The following SORCS1 variants were observed in gnomAD, a reference collection of about 807,000 sequenced individuals.
SORCS1 encodes the protein sortilin related VPS10 domain containing receptor 1, also known as VPS10 domain-containing receptor SorCS1.
A neutral mutation model predicts 146.1 loss-of-function variants in SORCS1; 60 were observed. That is an observed-to-expected ratio of 0.41 (90% confidence interval 0.33 to 0.51). The LOEUF (loss-of-function observed/expected upper bound fraction) is 0.51, where lower values mean the gene tolerates loss of function less well. SORCS1 is among the 20% of genes least tolerant of loss of function. SORCS1 has a pLI of 0.21. For synonymous variants in SORCS1, 637 were observed against 584.0 expected (o/e 1.09, Z -1.31); for missense variants, 1,352 against 1,487.6 (o/e 0.91, Z 1.50).
chr10:106,604,948 T>TAACAGGG (rs1414259038), intron 23 of SORCS1, among the ~76,000 whole-genome samples: 6 of 152,258 alleles, frequency 3.9e-5, no homozygotes, highest in African/African-American at 1.2e-4. Flanking sequence ...GGCTCAATTA[T>TAACAGGG]TCAACTTTTC....
chr10:106,604,139 CATATGGT>C (rs1283486588), intron 23 of SORCS1, among the ~76,000 whole-genome samples: 1 of 152,130 alleles, frequency 6.6e-6, no homozygotes, highest in African/African-American at 2.4e-5. Context: ...GCCAACTTCC[CATATGGT>C]AGCCAGGAAA....
At chr10:106,716,512 A>T (rs1855383702) in intron 6 of SORCS1, among the ~76,000 whole-genome samples, 2 of 152,220 alleles carry the variant, frequency 1.3e-5, no homozygotes, top group Non-Finnish European at 2.9e-5. Flanking sequence ...CCAAAACAAA[A>T]CAAAGCTCTG....
chr10:106,779,945 G>A (rs1048202707), intron 3 of SORCS1, among the ~76,000 whole-genome samples: 2 of 152,024 alleles, frequency 1.3e-5, no homozygotes, highest in Non-Finnish European at 2.9e-5. Context: ...ATTGTTAATT[G>A]AATAAGTAAA....
chr10:106,597,810 A>T (rs1450092351), intron 23 of SORCS1, among the ~76,000 whole-genome samples: 1 of 152,230 alleles, frequency 6.6e-6, no homozygotes, highest in Non-Finnish European at 1.5e-5. Context: ...CATTCCGATA[A>T]GATTAATATA....
intron 1 of SORCS1, among the ~76,000 whole-genome samples, chr10:106,989,286 A>G (rs1564894394): frequency 7.3e-6 from 1 of 137,448 alleles, no homozygotes; most frequent in Non-Finnish European, 1.7e-5. Flanking sequence ...AAAAAAAAAA[A>G]AAAAAAAAAA....
At chr10:106,667,261 T>C (rs1851233449) in intron 17 of SORCS1, 1 of 167,616 alleles carries the variant, frequency 6.0e-6, no homozygotes, top group Admixed American at 5.7e-5. Flanking sequence ...AACACTAGTA[T>C]ACTTTTGAAA....
chr10:106,744,422 C>T (rs2136128866), intron 5 of SORCS1, among the ~76,000 whole-genome samples: 1 of 152,140 alleles, frequency 6.6e-6, no homozygotes, highest in South Asian at 2.1e-4. Context: ...TACTTTTAGA[C>T]ATGATGCTGC....
At chr10:106,814,219 T>C (rs1589454591) in intron 3 of SORCS1, among the ~76,000 whole-genome samples, 1 of 152,248 alleles carries the variant, frequency 6.6e-6, no homozygotes. Flanking sequence ...TGAATTATTT[T>C]ACATAAGGCA....
chr10:106,937,727 G>A (rs1054214932), intron 2 of SORCS1, among the ~76,000 whole-genome samples: 1 of 152,106 alleles, frequency 6.6e-6, no homozygotes. Context: ...ACTTTGGGGG[G>A]CTGAGGCAGG....
intron 2 of SORCS1, among the ~76,000 whole-genome samples, chr10:106,935,877 G>A (rs774276876): frequency 6.6e-6 from 1 of 152,086 alleles, no homozygotes; most frequent in Non-Finnish European, 1.5e-5. Flanking sequence ...AAAGTTTGAG[G>A]GAAATTCAAG....
intron 2 of SORCS1, among the ~76,000 whole-genome samples, chr10:106,938,767 T>A (rs1200584358): frequency 6.6e-6 from 1 of 152,190 alleles, no homozygotes. Context: ...CATATCAGCA[T>A]CAGAACATCA....
the SORCS1 span, among the ~76,000 whole-genome samples, chr10:107,171,057 AG>A: frequency 6.6e-6 from 1 of 152,240 alleles, no homozygotes; most frequent in Non-Finnish European, 1.5e-5. Context: ...TACCTGAGAC[AG>A]AGTGAACACT....
At chr10:106,890,034 A>C (rs114383110) in intron 2 of SORCS1, among the ~76,000 whole-genome samples, 1 of 152,274 alleles carries the variant, frequency 6.6e-6, no homozygotes, top group African/African-American at 2.4e-5. Flanking sequence ...CCTAAGGGTA[A>C]ATTATCTGGG....
At chr10:106,755,233 A>T (rs1391129593) in intron 5 of SORCS1, among the ~76,000 whole-genome samples, 1 of 152,232 alleles carries the variant, frequency 6.6e-6, no homozygotes, top group East Asian at 1.9e-4. Flanking sequence ...CTAAAATACA[A>T]TTTCAAAATT....
intron 1 of SORCS1, among the ~76,000 whole-genome samples, chr10:107,035,165 G>T (rs780107670): frequency 2.0e-5 from 3 of 146,998 alleles, no homozygotes; most frequent in Non-Finnish European, 4.5e-5. Flanking sequence ...AGATCCAGAT[G>T]ATTTCCAGGC....
chr10:107,087,545 T>C (rs1475728960), intron 1 of SORCS1, among the ~76,000 whole-genome samples: 1 of 152,188 alleles, frequency 6.6e-6, no homozygotes, highest in East Asian at 1.9e-4. Context: ...ATATCTTGAG[T>C]CATTGTAAAG....
intron 22 of SORCS1, among the ~76,000 whole-genome samples, chr10:106,610,747 C>T (rs1846922593): frequency 6.6e-6 from 1 of 152,142 alleles, no homozygotes; most frequent in Non-Finnish European, 1.5e-5. Flanking sequence ...CTCAAGCTGC[C>T]CCATGAGCGG....
intron 5 of SORCS1, among the ~76,000 whole-genome samples, chr10:106,749,780 C>T (rs1435888671): frequency 6.6e-6 from 1 of 152,180 alleles, no homozygotes; most frequent in East Asian, 1.9e-4. Flanking sequence ...AACATTTACT[C>T]ATCACATATG....
intron 5 of SORCS1, among the ~76,000 whole-genome samples, chr10:106,736,360 G>A (rs555966698): frequency 1.3e-5 from 2 of 152,248 alleles, no homozygotes; most frequent in Non-Finnish European, 2.9e-5. Context: ...GGGAAGAAAC[G>A]AGGAGGGACC....
Sources: allele counts gnomAD v4.1 joint callset (sites outside exome capture counted in the v4.1 genomes callset), GRCh38; gene constraint gnomAD v4.1.1; transcripts MANE v1.5; gene names NCBI Gene and HGNC (gene_info 2026-07-23, HGNC 2026-07-21).